The following ADGRL2 variants were observed in gnomAD, a reference collection of about 807,000 sequenced individuals.
ADGRL2 encodes the protein calcium-independent alpha-latrotoxin receptor 2.
In ADGRL2, 44 loss-of-function variants were observed where a neutral mutation model predicts 157.4. The ratio of observed to expected loss-of-function variants is 0.28; its 90% confidence interval spans 0.22 to 0.36. ADGRL2 has a LOEUF of 0.36. Ranked by LOEUF, ADGRL2 falls within the 10% of genes least tolerant of loss-of-function variation. The pLI is 1.00. For synonymous variants in ADGRL2, 585 were observed against 624.7 expected, an observed-to-expected ratio of 0.94 and a Z score of 0.95; for missense variants, 1,510 against 1,768.9, an observed-to-expected ratio of 0.85 and a Z score of 2.63.
At chr1:81,674,485 C>T (rs12744466) in intron 3 of ADGRL2, among the ~76,000 whole-genome samples, 6,958 of 152,248 alleles carry the variant, frequency 0.046, 229 homozygotes, top group Non-Finnish European at 0.071. Flanking sequence ...TGCACCGGTG[C>T]GCCCCCATGT....
At chr1:81,718,134 C>T (rs546312079) in intron 1 of ADGRL2, among the ~76,000 whole-genome samples, 1 of 152,266 alleles carries the variant, frequency 6.6e-6, no homozygotes, top group Non-Finnish European at 1.5e-5. Flanking sequence ...ATTCTCCTGC[C>T]TCAGCCTCCT....
intron 1 of ADGRL2, among the ~76,000 whole-genome samples, chr1:81,399,373 G>A (rs930848858): frequency 6.6e-5 from 10 of 152,138 alleles, no homozygotes; most frequent in Admixed American, 3.9e-4. Context: ...GGTTTTCTAT[G>A]CCTTTTTCCA....
chr1:81,335,003 T>C (rs769434057), intron 1 of ADGRL2, among the ~76,000 whole-genome samples: 2 of 152,200 alleles, frequency 1.3e-5, no homozygotes, highest in Non-Finnish European at 2.9e-5. Context: ...TATTTTCTAT[T>C]ACCAAAAATG....
chr1:81,330,216 T>C (rs1399216310), intron 1 of ADGRL2, among the ~76,000 whole-genome samples: 5 of 152,130 alleles, frequency 3.3e-5, no homozygotes, highest in Non-Finnish European at 7.4e-5. Flanking sequence ...AATATGTTGA[T>C]GTTTTATAGA....
At chr1:81,689,738 G>A (rs1014403329) in intron 3 of ADGRL2, among the ~76,000 whole-genome samples, 13 of 152,136 alleles carry the variant, frequency 8.5e-5, no homozygotes, top group Non-Finnish European at 1.5e-4. Flanking sequence ...GAGTGGAATC[G>A]GGGGAAGGGT....
Position 81,990,493 on chromosome 1 carries a change from A to G in ADGRL2, c.3758A>G (p.Asp1253Gly). 1 of 1,614,130 alleles carries G rather than the reference A, an allele frequency of 6.2e-7. No homozygotes were observed. The change falls in exon 24 of 24, where the codon GAC becomes GGC. Residue 1253 changes from aspartate (D) to glycine (G), a missense_variant. Transcript: ENST00000686636. Reference protein sequence around the residue: ...SYSLHKGDYNDSVQVVDCGLS... With the variant: ...SYSLHKGDYNGSVQVVDCGLS... ...TCGCTGCACAAGGGTGACTATAATG[A>G]CAGCGTGCAAGTTGTGGACTGTGGA... is the stretch of plus-strand genomic sequence containing the variant.
chr1:81,830,242 T>C (rs2091847271), intron 1 of ADGRL2, among the ~76,000 whole-genome samples: 1 of 152,134 alleles, frequency 6.6e-6, no homozygotes, highest in African/African-American at 2.4e-5. Flanking sequence ...TGAATAACAC[T>C]CGTTTTAGCA....
At chr1:81,677,906 C>T (rs1021119312) in intron 3 of ADGRL2, among the ~76,000 whole-genome samples, 1 of 152,160 alleles carries the variant, frequency 6.6e-6, no homozygotes, top group Admixed American at 6.5e-5. Flanking sequence ...TTAACATCAT[C>T]TTCTACCATT....
intron 2 of ADGRL2, among the ~76,000 whole-genome samples, chr1:81,898,196 G>A (rs1162160247): frequency 6.6e-6 from 1 of 152,152 alleles, no homozygotes; most frequent in Non-Finnish European, 1.5e-5. Context: ...GTTGATGATT[G>A]TGTAGTTATA....
chr1:81,647,708 T>G (rs1269506402), intron 3 of ADGRL2, among the ~76,000 whole-genome samples: 2 of 152,146 alleles, frequency 1.3e-5, no homozygotes. Flanking sequence ...TAATTTAAGG[T>G]GCACTCTCAA....
intron 3 of ADGRL2, among the ~76,000 whole-genome samples, chr1:81,635,662 C>T (rs2082100774): frequency 6.6e-6 from 1 of 152,022 alleles, no homozygotes; most frequent in East Asian, 1.9e-4. Flanking sequence ...TTATAAGGGC[C>T]CCAATCCCAT....
At chr1:81,697,565 A>T (rs1278962839), upstream of ADGRL2, among the ~76,000 whole-genome samples, 1 of 152,168 alleles carries the variant, frequency 6.6e-6, no homozygotes, top group African/African-American at 2.4e-5. Flanking sequence ...TGGTATGATC[A>T]TTGACTGACC....
intron 1 of ADGRL2, among the ~76,000 whole-genome samples, chr1:81,716,532 A>G (rs551610802): frequency 6.6e-6 from 1 of 152,304 alleles, no homozygotes; most frequent in African/African-American, 2.4e-5. Context: ...CAACAAACTG[A>G]GTAATCTCTA....
intron 2 of ADGRL2, among the ~76,000 whole-genome samples, chr1:81,481,506 G>A (rs990489137): frequency 3.9e-5 from 6 of 152,198 alleles, no homozygotes; most frequent in Non-Finnish European, 8.8e-5. Context: ...GTGGGCAACT[G>A]CCTGGGGCAG....
intron 3 of ADGRL2, among the ~76,000 whole-genome samples, chr1:81,923,075 C>T (rs1242241977): frequency 6.6e-6 from 1 of 152,130 alleles, no homozygotes; most frequent in African/African-American, 2.4e-5. Flanking sequence ...TGAATATTTA[C>T]GAGTTGGTGT....
chr1:81,375,597 C>T (rs1218260320), intron 1 of ADGRL2, among the ~76,000 whole-genome samples: 1 of 152,178 alleles, frequency 6.6e-6, no homozygotes, highest in African/African-American at 2.4e-5. Context: ...TCTTTAGATG[C>T]TTCTAGCATT....
chr1:81,525,069 A>G (rs2079420696), intron 2 of ADGRL2, among the ~76,000 whole-genome samples: 1 of 152,184 alleles, frequency 6.6e-6, no homozygotes, highest in South Asian at 2.1e-4. Context: ...CTTTTGAATT[A>G]GAACCTTTTG....
At chr1:81,911,410 G>C (rs1041437957) in intron 3 of ADGRL2, among the ~76,000 whole-genome samples, 11 of 152,100 alleles carry the variant, frequency 7.2e-5, no homozygotes, top group Non-Finnish European at 2.9e-5. Context: ...TGAAGTACTT[G>C]ATTAACAAAT....
chr1:81,792,126 A>G (rs1215805352), intron 2 of ADGRL2, among the ~76,000 whole-genome samples: 1 of 152,240 alleles, frequency 6.6e-6, no homozygotes, highest in Non-Finnish European at 1.5e-5. Context: ...TGAGGAAAGC[A>G]GGTTCCTATG....
Sources: gnomAD v4.1 joint callset for allele counts (sites outside exome capture counted in the v4.1 genomes callset) on GRCh38, gnomAD v4.1.1 for gene constraint, MANE v1.5 for transcripts, NCBI Gene and HGNC (gene_info 2026-07-23, HGNC 2026-07-21) for gene names.